Variants in CDYL observed in about 807,000 individuals in gnomAD.
CDYL encodes chromodomain Y like.
A neutral mutation model predicts 47.3 loss-of-function variants in CDYL; 8 were observed. The observed-to-expected ratio is 0.17, with a 90% CI of 0.10 to 0.31. CDYL has a LOEUF of 0.31. Among genes scored for constraint, CDYL ranks in the 10% least tolerant of loss-of-function variants. CDYL has a pLI of 1.00. For synonymous variants in CDYL, 266 were observed against 265.0 expected (o/e 1.00, Z -0.04); for missense variants, 471 against 701.4 (o/e 0.67, Z 3.71).
exon 1 of CDYL, chr6:4,706,244 C>A (rs548858352): frequency 1.3e-5 from 2 of 152,206 alleles, no homozygotes; most frequent in Admixed American, 1.3e-4. Flanking sequence ...TCTCGGGGAA[C>A]TAAGCAGGTA....
intron 3 of CDYL, among the ~76,000 whole-genome samples, chr6:4,937,120 G>C (rs928884407): frequency 1.3e-5 from 2 of 152,218 alleles, no homozygotes; most frequent in Admixed American, 1.3e-4. Flanking sequence ...ACTTTGGGAG[G>C]CCAAGGCAGG....
chr6:4,725,047 C>T (rs1163112609), intron 2 of CDYL, among the ~76,000 whole-genome samples: 2 of 152,108 alleles, frequency 1.3e-5, no homozygotes, highest in Non-Finnish European at 2.9e-5. Context: ...CTGAGCTGGA[C>T]ACAAAAGTTC....
intron 2 of CDYL, among the ~76,000 whole-genome samples, chr6:4,728,728 T>C (rs1306687625): frequency 3.3e-5 from 5 of 152,162 alleles, no homozygotes; most frequent in Non-Finnish European, 7.3e-5. Context: ...TTTCTGCTTT[T>C]GGTTGTAAAG....
intron 2 of CDYL, among the ~76,000 whole-genome samples, chr6:4,725,657 C>A (rs1306483539): frequency 6.6e-6 from 1 of 152,244 alleles, no homozygotes; most frequent in Non-Finnish European, 1.5e-5. Context: ...GCAAGCACCG[C>A]GCACAGCCCC....
At chr6:4,771,133 G>A (rs933929056) in intron 3 of CDYL, among the ~76,000 whole-genome samples, 12 of 151,922 alleles carry the variant, frequency 7.9e-5, no homozygotes, top group South Asian at 6.3e-4. Flanking sequence ...TTGGCGGGGG[G>A]GATGGAGTCT....
At chr6:4,860,601 C>A (rs897775397) in intron 1 of CDYL, among the ~76,000 whole-genome samples, 34 of 145,576 alleles carry the variant, frequency 2.3e-4, no homozygotes, top group Non-Finnish European at 4.7e-4. Context: ...ACATATATAT[C>A]ATATATATTA....
At chr6:4,794,388 G>A (rs1759012181) in intron 1 of CDYL, among the ~76,000 whole-genome samples, 1 of 152,134 alleles carries the variant, frequency 6.6e-6, no homozygotes, top group Admixed American at 6.5e-5. Context: ...CTCTTTCAGT[G>A]GAGTATGGAG....
Position 4,776,742 on chromosome 6 carries a change from G to A in CDYL, c.-42G>A. 1.4e-6 allele frequency: 1 copy of A among 719,050 alleles called. No individual in the cohort carries two copies. Among genetic ancestry groups the A allele is most frequent in the Non-Finnish European group, 2.0e-6 (1 of 506,998 alleles). 44.5% of individuals were successfully genotyped at this position (719,050 alleles called of 1,614,324 possible). On this transcript the variant is annotated 5_prime_UTR_variant, in exon 1 of 7. Transcript: ENST00000397588. ...TGTCGGCCGCCCGGCGCCGGCGCCC[G>A]CCCCGACCCTGCCCCTCCCGCCCGC...
At chr6:4,950,864 G>A (rs573625361) in intron 5 of CDYL, among the ~76,000 whole-genome samples, 5 of 151,752 alleles carry the variant, frequency 3.3e-5, no homozygotes, top group Admixed American at 1.3e-4. Flanking sequence ...CCTGGGAGGC[G>A]GAGCTTGCAG....
chr6:4,713,559 C>T (rs1469229442), intron 1 of CDYL, among the ~76,000 whole-genome samples: 1 of 151,262 alleles, frequency 6.6e-6, no homozygotes, highest in Non-Finnish European at 1.5e-5. Context: ...AAACTGAATA[C>T]AGAGTCTTAA....
chr6:4,716,355 C>G (rs970236117), intron 2 of CDYL, among the ~76,000 whole-genome samples: 2 of 152,128 alleles, frequency 1.3e-5, no homozygotes, highest in Admixed American at 1.3e-4. Context: ...CCTTCTCTCT[C>G]GCAAGCTCTC....
At chr6:4,929,523 C>CACACACACACAT (rs1392146007) in intron 2 of CDYL, among the ~76,000 whole-genome samples, 3 of 148,264 alleles carry the variant, frequency 2.0e-5, no homozygotes, top group South Asian at 2.1e-4. Flanking sequence ...CACACACACA[C>CACACACACACAT]ACATACATAC....
intron 1 of CDYL, among the ~76,000 whole-genome samples, chr6:4,845,990 A>G (rs1398804198): frequency 6.6e-6 from 1 of 152,146 alleles, no homozygotes; most frequent in East Asian, 1.9e-4. Context: ...AGGAGCCAAT[A>G]TTTAACTGCT....
intron 1 of CDYL, among the ~76,000 whole-genome samples, chr6:4,817,580 AG>A (rs2127447009): frequency 6.6e-6 from 1 of 152,328 alleles, no homozygotes; most frequent in African/African-American, 2.4e-5. Context: ...TTTTTGTTAA[AG>A]TTAGTATTTT....
chr6:4,712,766 C>A (rs1238130685), intron 1 of CDYL, among the ~76,000 whole-genome samples: 1 of 152,228 alleles, frequency 6.6e-6, no homozygotes, highest in Non-Finnish European at 1.5e-5. Flanking sequence ...CAAAGCAAAG[C>A]ATTCACGACT....
At chr6:4,904,172 G>C (rs1757155887) in intron 2 of CDYL, among the ~76,000 whole-genome samples, 1 of 152,234 alleles carries the variant, frequency 6.6e-6, no homozygotes, top group African/African-American at 2.4e-5. Context: ...CCTAAGGCAA[G>C]GGCAGATGCC....
intron 1 of CDYL, among the ~76,000 whole-genome samples, chr6:4,861,872 G>A (rs1761179501): frequency 6.6e-6 from 1 of 152,148 alleles, no homozygotes; most frequent in Non-Finnish European, 1.5e-5. Context: ...GGGTTATGAT[G>A]CGCATGGATC....
Position 4,842,016 on chromosome 6 carries a change from T to C in CDYL, c.25-49697T>C, listed in dbSNP as rs1001223719. On this transcript the variant is annotated intron_variant, in intron 1 of 6. Coordinates refer to ENST00000397588, the MANE Select transcript of CDYL (RefSeq NM_004824.4). ...TTAATATAAATAAATTAATTATATT[T>C]GTATTATTTGTAATATATAATTTAT... is the stretch of plus-strand genomic sequence containing the variant. Among the ~76,000 whole-genome samples, 9 of 145,528 alleles carry C rather than the reference T, an allele frequency of 6.2e-5. No homozygotes were observed. The Admixed American group carries it at 6.2e-4, about 10-fold the overall frequency.
chr6:4,879,921 G>GA (rs977637014), intron 1 of CDYL, among the ~76,000 whole-genome samples: 2 of 151,996 alleles, frequency 1.3e-5, no homozygotes, highest in Non-Finnish European at 1.5e-5. Context: ...AAATTGGGCT[G>GA]AAAAAATAGA....
Sources: gnomAD v4.1 joint callset for allele counts (sites outside exome capture counted in the v4.1 genomes callset) on GRCh38, gnomAD v4.1.1 for gene constraint, MANE v1.5 for transcripts, NCBI Gene and HGNC (gene_info 2026-07-23, HGNC 2026-07-21) for gene names.